The following GABPA variants were observed in gnomAD, a reference collection of about 807,000 sequenced individuals.
The protein encoded by GABPA is GA-binding protein alpha chain.
In GABPA, 4 loss-of-function variants were observed where a neutral mutation model predicts 59.4. The observed-to-expected ratio is 0.07, with a 90% confidence interval of 0.03 to 0.15. GABPA has a LOEUF of 0.15. Ranked by LOEUF, GABPA falls within the 10% of genes least tolerant of loss-of-function variation. GABPA has a pLI of 1.00. For missense variants in GABPA, 251 were observed against 543.8 expected, an observed-to-expected ratio of 0.46 and a Z score of 5.36; for synonymous variants, 164 against 183.1, an observed-to-expected ratio of 0.90 and a Z score of 0.84.
At chr21:25,753,310 G>C (rs1454857644) in intron 5 of GABPA, among the ~76,000 whole-genome samples, 1 of 152,112 alleles carries the variant, frequency 6.6e-6, no homozygotes, top group Non-Finnish European at 1.5e-5. Context: ...TATAAGATTT[G>C]GGCTGGAGAC....
In GABPA at chr21:25,758,335, G is replaced by C. The variant is rs2035686937; in HGVS notation, c.748+131G>C. ...CAATAATAATTAACATTTATTTACT[G>C]TATAATGCTATGCTGAAAGCTCTAT... On this transcript the variant is annotated intron_variant, in intron 6 of 9. Transcript: ENST00000400075. The C allele has an allele frequency of 1.1e-5, 7 of 632,440 alleles. No homozygotes were observed. The South Asian group carries it at 1.7e-4, about 15-fold the overall frequency. The allele number at this position is 632,440 out of a possible 1,614,324, so 39.2% of individuals were successfully genotyped here.
intron 3 of GABPA, among the ~76,000 whole-genome samples, chr21:25,748,362 ATAAT>A (rs1356056458): frequency 6.6e-6 from 1 of 152,226 alleles, no homozygotes; most frequent in Non-Finnish European, 1.5e-5. Flanking sequence ...CAAGATGATT[ATAAT>A]GGAAGCCTGT....
chr21:25,760,881 T>G (rs1568950797), intron 6 of GABPA, among the ~76,000 whole-genome samples: 2 of 151,898 alleles, frequency 1.3e-5, no homozygotes, highest in Non-Finnish European at 2.9e-5. Flanking sequence ...TTTTTCCCCC[T>G]GTGGTCTGCC....
intron 5 of GABPA, among the ~76,000 whole-genome samples, chr21:25,757,432 A>G (rs71651614): frequency 0.035 from 3,803 of 108,846 alleles, 160 homozygotes; most frequent in African/African-American, 0.095. Context: ...GGTTTACAAG[A>G]CACATTTCTT....
chr21:25,753,570 ATGC>A (rs1279008942), intron 5 of GABPA, among the ~76,000 whole-genome samples: 1 of 152,178 alleles, frequency 6.6e-6, no homozygotes, highest in African/African-American at 2.4e-5. Context: ...AGACTCTCAG[ATGC>A]TGCTGAGAAA....
rs545976144 is a variant in GABPA, at chr21:25,751,421, C to G, written c.308-568C>G. On this transcript the variant is annotated intron_variant, in intron 4 of 9. Coordinates refer to ENST00000400075, the MANE Select transcript of GABPA (RefSeq NM_002040.4). The stretch of plus-strand genomic sequence containing the variant: ...AATTACAGTTCTTAACACCTTTATA[C>G]TAGGAGCTTAAAATATTCAGGATTT... Among the ~76,000 whole-genome samples the G allele has an allele frequency of 4.0e-5, 6 of 150,908 alleles. No homozygotes were observed. In the East Asian group the frequency reaches 1.2e-3, roughly 29 times the overall value.
At chr21:25,737,695 C>G (rs2035116975) in intron 1 of GABPA, among the ~76,000 whole-genome samples, 1 of 152,040 alleles carries the variant, frequency 6.6e-6, no homozygotes, top group Admixed American at 6.5e-5. Flanking sequence ...GCTTTTTTTT[C>G]TATCTTGCCA....
Position 25,735,310 on chromosome 21 carries a change from T to A in GABPA, c.-295T>A, listed in dbSNP as rs2034998634. 1 of 305,736 alleles carries A rather than the reference T, an allele frequency of 3.3e-6. No individual in the cohort carries two copies. The highest frequency in any genetic ancestry group is 6.2e-6 in the Non-Finnish European group (1 of 160,962). 18.9% of individuals were successfully genotyped at this position (305,736 alleles called of 1,614,324 possible). ...AGCGGATTGGGGCGTTGTGCTTCCT[T>A]GTACCTCGTGAGCCTCCGTTGCCTT... is the stretch of plus-strand genomic sequence containing the variant. On this transcript the variant is annotated 5_prime_UTR_variant, in exon 1 of 10. Transcript: ENST00000400075.
intron 1 of GABPA, among the ~76,000 whole-genome samples, chr21:25,738,907 T>C (rs540033789): frequency 4.2e-4 from 64 of 151,930 alleles, no homozygotes; most frequent in African/African-American, 1.5e-3. Flanking sequence ...GAAGGCTTAT[T>C]AGACCAGCAT....
chr21:25,763,013 C>T (rs925827361), intron 7 of GABPA: 3 of 385,808 alleles, frequency 7.8e-6, no homozygotes, highest in Non-Finnish European at 1.5e-5. Context: ...GCTTTGCCTT[C>T]AGCTTTATTC....
At chr21:25,747,106 G>A (rs1259533748) in intron 3 of GABPA, among the ~76,000 whole-genome samples, 1 of 152,200 alleles carries the variant, frequency 6.6e-6, no homozygotes, top group Non-Finnish European at 1.5e-5. Context: ...TAAATAATTT[G>A]CCCAATGTGT....
intron 7 of GABPA, among the ~76,000 whole-genome samples, chr21:25,763,810 C>A (rs191532706): frequency 1.9e-4 from 29 of 152,206 alleles, no homozygotes; most frequent in African/African-American, 6.7e-4. Flanking sequence ...ATCCTTTCAG[C>A]CTTACTCCAG....
intron 9 of GABPA, 127 bp from the exon 10 acceptor site, chr21:25,768,877 T>G (rs2035954215): frequency 1.6e-6 from 1 of 630,770 alleles, no homozygotes; most frequent in East Asian, 2.7e-5. Context: ...CTACATAGCT[T>G]CAATATTAAT....
intron 6 of GABPA, 151 bp from the exon 7 acceptor site, chr21:25,762,161 G>A: frequency 2.0e-6 from 1 of 489,234 alleles, no homozygotes. Flanking sequence ...TATTTTTAAG[G>A]TTTTTATGCC....
intron 6 of GABPA, among the ~76,000 whole-genome samples, chr21:25,760,564 A>G (rs1306409671): frequency 6.6e-6 from 1 of 151,862 alleles, no homozygotes; most frequent in African/African-American, 2.4e-5. Context: ...TGGGAGGATA[A>G]TTAGGAAATG....
chr21:25,762,818 C>A, intron 7 of GABPA: 1 of 181,504 alleles, frequency 5.5e-6, no homozygotes, highest in Non-Finnish European at 1.2e-5. Context: ...AGAAAAAAGG[C>A]CAAGTTAAAA....
In GABPA at chr21:25,769,992, T is replaced by A. The variant is rs578087195; in HGVS notation, c.*760T>A. 4 of 152,716 alleles carry A rather than the reference T, an allele frequency of 2.6e-5. No homozygotes were observed. In the South Asian group the frequency reaches 8.3e-4, roughly 32 times the overall value. 9.5% of individuals were successfully genotyped at this position (152,716 alleles called of 1,614,324 possible). A position where few individuals can be genotyped will look rare whatever the true frequency, so the allele number is the denominator to read the frequency against. On this transcript the variant is annotated 3_prime_UTR_variant, in exon 10 of 10. Transcript: ENST00000400075. ...AGCTGTTATAAAAATTATAAAATGA[T>A]CTCTGTTTTTCCTGTCAGAGATTTA...
rs71651644 is a variant in GABPA at position 25,766,022 on chromosome 21, A to G, written c.1136+1235A>G. Among the ~76,000 whole-genome samples the G allele has an allele frequency of 3.3e-5, 5 of 152,124 alleles. No individual in the cohort carries two copies. In the East Asian group the frequency reaches 9.6e-4, roughly 29 times the overall value. Reference sequence around the variant, plus strand: ...AGTGGAAAGACTTGTCCCACAGGATATTGAGACTGACTCTAAAGTTACAGT... The same window carrying G: ...AGTGGAAAGACTTGTCCCACAGGATGTTGAGACTGACTCTAAAGTTACAGT... On this transcript the variant is annotated intron_variant, in intron 9 of 9. Transcript: ENST00000400075.
rs145251607 is a variant in GABPA, at chr21:25,736,762, C to T, written c.-27+1184C>T. On this transcript the variant is annotated intron_variant, in intron 1 of 9. Coordinates refer to ENST00000400075, the MANE Select transcript of GABPA (RefSeq NM_002040.4). ...CAGTGAACACGCAGATACCCTTCACCTGAGGGTCCCAACTGTTAATCTTTC... is the reference window on the plus strand; with the variant it reads ...CAGTGAACACGCAGATACCCTTCACTTGAGGGTCCCAACTGTTAATCTTTC... 2.6e-4 allele frequency among the ~76,000 whole-genome samples: 39 copies of T among 152,314 alleles called. No homozygotes were observed. In the East Asian group the frequency reaches 6.2e-3, roughly 24 times the overall value.
Sources: allele counts gnomAD v4.1 joint callset (sites outside exome capture counted in the v4.1 genomes callset), GRCh38; gene constraint gnomAD v4.1.1; transcripts MANE v1.5; gene names NCBI Gene and HGNC (gene_info 2026-07-23, HGNC 2026-07-21).